The following EIF4G3 variants were observed in gnomAD, a reference collection of about 807,000 sequenced individuals.
EIF4G3 encodes eIF-4-gamma 3.
In EIF4G3, 34 loss-of-function variants were observed where a neutral mutation model predicts 186.4. The observed-to-expected ratio is 0.18, with a 90% CI of 0.14 to 0.24. EIF4G3 has a LOEUF of 0.24. EIF4G3 is among the 10% of genes least tolerant of loss of function. EIF4G3 has a pLI of 1.00. For synonymous variants in EIF4G3, 673 were observed against 679.5 expected (o/e 0.99, Z 0.15); for missense variants, 1,536 against 1,948.5 (o/e 0.79, Z 3.99).
chr1:20,999,712 C>T (rs1021105356), intron 6 of EIF4G3: 1 of 454,012 alleles, frequency 2.2e-6, no homozygotes, highest in East Asian at 7.0e-5. Context: ...CTATTTTGCA[C>T]TAGTCACCAT....
chr1:20,980,961 C>A (rs1338841194), intron 9 of EIF4G3, 87 bp downstream of exon 9: 6 of 1,122,200 alleles, frequency 5.3e-6, no homozygotes, highest in African/African-American at 4.7e-5. Flanking sequence ...ACTAATACCA[C>A]AATTCATCCA....
intron 14 of EIF4G3, among the ~76,000 whole-genome samples, chr1:20,916,467 A>G (rs2154559024): frequency 6.6e-6 from 1 of 152,136 alleles, no homozygotes; most frequent in Non-Finnish European, 1.5e-5. Flanking sequence ...ACAAAAACAA[A>G]AACAAAAAAC....
chr1:21,060,977 G>C (rs914639855), intron 3 of EIF4G3, among the ~76,000 whole-genome samples: 2 of 152,010 alleles, frequency 1.3e-5, no homozygotes, highest in Non-Finnish European at 2.9e-5. Flanking sequence ...TAGGTGCATG[G>C]AATACATCAG....
intron 4 of EIF4G3, among the ~76,000 whole-genome samples, chr1:21,026,901 C>A (rs1182436592): frequency 6.9e-6 from 1 of 144,006 alleles, no homozygotes; most frequent in African/African-American, 2.6e-5. Flanking sequence ...CGCACCACTG[C>A]ACTCCAGCCT....
chr1:21,117,736 T>TAAAAAAAAACAAAAAAAAAAAAAAAAAAA (rs2096850388), intron 2 of EIF4G3, among the ~76,000 whole-genome samples: 1 of 73,088 alleles, frequency 1.4e-5, no homozygotes. Context: ...CAGTATATAG[T>TAAAAAAAAACAAAAAAAAAAAAAAAAAAA]AAAAAAAAAA....
At position 20,911,717 on chromosome 1, in the gene EIF4G3, CTTAT is replaced by C. The variant is rs562430683; in HGVS notation, c.1664-6750_1664-6747del. The stretch of plus-strand genomic sequence containing the variant: ...ACTTAATATTGCTTCTCTTTACTAA[CTTAT>C]TTATTAATCAGGTAGTCATCCAAGT... On this transcript the variant is annotated intron_variant, in intron 14 of 36. Coordinates refer to ENST00000602326, the MANE Select transcript of EIF4G3 (RefSeq NM_001391906.1). 1.3e-3 allele frequency among the ~76,000 whole-genome samples: 190 copies of C among 151,904 alleles called. 1 individual carries two copies. The highest frequency in any genetic ancestry group is 4.4e-3 in the African/African-American group (182 of 41,458).
rs765024931 is a variant in EIF4G3 at position 20,941,674 on chromosome 1, T to C, written c.1480A>G (p.Thr494Ala). ...TPVIVPAAAT[T>A]VSSPSAAITV... ...ATGGCAGCACTCGGAGAACTAACAG[T>C]AGTGGCAGCAGCAGGAACAATGACT... Residue 494 changes from threonine to alanine, a missense_variant, in exon 14 of 37, where the codon ACT becomes GCT. By Grantham distance (58) the Thr-to-Ala change is moderately conservative. Transcript: ENST00000602326. 2.2e-5 allele frequency: 35 copies of C among 1,613,410 alleles called. No homozygotes were observed. In the Middle Eastern group the frequency reaches 6.6e-4, roughly 30 times the overall value.
At chr1:20,862,850 T>C (rs899207189) in intron 22 of EIF4G3, among the ~76,000 whole-genome samples, 1 of 152,186 alleles carries the variant, frequency 6.6e-6, no homozygotes, top group Admixed American at 6.5e-5. Flanking sequence ...TTATGCCTCA[T>C]TGCAGCCTCA....
At chr1:21,105,733 G>A (rs190062356) in intron 2 of EIF4G3, among the ~76,000 whole-genome samples, 14 of 152,198 alleles carry the variant, frequency 9.2e-5, no homozygotes, top group Non-Finnish European at 1.8e-4. Context: ...AGGCATCTGG[G>A]GTACAGGTTT....
rs199813241 is a variant in EIF4G3, at chr1:20,898,124, GT to G, written c.1999+1572del. ...GCAATTGAGTACACTGAGTCCTAGG[GT>G]TTTTTTAAAAAAAGTTTTATGATAG... is the stretch of plus-strand genomic sequence containing the variant. On this transcript the variant is annotated intron_variant, in intron 16 of 36. Transcript: ENST00000602326. Among the ~76,000 whole-genome samples the G allele has an allele frequency of 2.0e-4, 31 of 151,842 alleles. No individual in the cohort carries two copies. In the East Asian group the frequency reaches 5.6e-3, roughly 28 times the overall value.
intron 18 of EIF4G3, chr1:20,892,682 G>T: frequency 6.5e-7 from 1 of 1,536,104 alleles, no homozygotes; most frequent in Non-Finnish European, 8.7e-7. Context: ...TTGGGGCTTT[G>T]CTCTGTTCCA....
In EIF4G3 at chr1:21,017,521, G is replaced by A. The variant is rs549748864; in HGVS notation, c.-66-14713C>T. On this transcript the variant is annotated intron_variant, in intron 4 of 36. Coordinates refer to ENST00000602326, the MANE Select transcript of EIF4G3 (RefSeq NM_001391906.1). ...CGGGCACCTGTAGTTCCAGCTACTC[G>A]GGAGGCTGAGGCAGGAGAATGGCGT... Among the ~76,000 whole-genome samples, 51 of 151,510 alleles carry A rather than the reference G, an allele frequency of 3.4e-4. 1 individual carries two copies. In the South Asian group the frequency reaches 0.01, roughly 30 times the overall value.
In EIF4G3 at chr1:20,841,125, T is replaced by C. The variant is rs1005604692; in HGVS notation, c.3889-97A>G. On this transcript the variant is annotated intron_variant, in intron 29 of 36. Coordinates refer to ENST00000602326, the MANE Select transcript of EIF4G3 (RefSeq NM_001391906.1). The stretch of plus-strand genomic sequence containing the variant: ...AATCTTTTACTTACAACAGAATCAG[T>C]AGAAACTTCCATGAACAGGACAGTT... 12 of 1,252,610 alleles carry C rather than the reference T, an allele frequency of 9.6e-6. No individual in the cohort carries two copies. In the East Asian group the frequency reaches 9.7e-5, roughly 10 times the overall value. 77.6% of individuals were successfully genotyped at this position (1,252,610 alleles called of 1,614,324 possible).
At chr1:20,966,441 A>C (rs1304888409) in intron 12 of EIF4G3, among the ~76,000 whole-genome samples, 1 of 151,882 alleles carries the variant, frequency 6.6e-6, no homozygotes, top group Non-Finnish European at 1.5e-5. Flanking sequence ...ACATAACTAA[A>C]CATTTCTAGC....
At chr1:21,077,511 T>A (rs1572163576) in intron 3 of EIF4G3, among the ~76,000 whole-genome samples, 1 of 149,962 alleles carries the variant, frequency 6.7e-6, no homozygotes, top group Non-Finnish European at 1.5e-5. Context: ...TCACTGATCA[T>A]CAGGGAAACA....
rs367605365 is a variant in EIF4G3, at chr1:20,944,280, T to G, written c.824-1950A>C. ...CTGTAATCCTAGCACTTTAGGAGGC[T>G]GAGACGGGAGGATCTCTTGAGCCTA... On this transcript the variant is annotated intron_variant, in intron 13 of 36. Transcript: ENST00000602326. Among the ~76,000 whole-genome samples the G allele has an allele frequency of 1.6e-4, 24 of 152,038 alleles. No individual in the cohort carries two copies. The East Asian group carries it at 3.9e-3, about 25-fold the overall frequency.
intron 3 of EIF4G3, among the ~76,000 whole-genome samples, chr1:21,072,860 G>A (rs1378323368): frequency 6.6e-6 from 1 of 152,190 alleles, no homozygotes; most frequent in East Asian, 1.9e-4. Flanking sequence ...ACTGATGGTG[G>A]CAGCAGCTGC....
intron 12 of EIF4G3, among the ~76,000 whole-genome samples, chr1:20,952,356 A>C (rs991438463): frequency 1.3e-5 from 2 of 152,016 alleles, no homozygotes; most frequent in Non-Finnish European, 2.9e-5. Context: ...GGGTTTCACC[A>C]TGTTAGCCAG....
At chr1:20,814,782 C>CCCCTCTCCCTCT (rs1557738784) in intron 34 of EIF4G3, among the ~76,000 whole-genome samples, 20 of 66,528 alleles carry the variant, frequency 3.0e-4, no homozygotes, top group East Asian at 1.2e-3. Context: ...CCTCCCCCTC[C>CCCCTCTCCCTCT]CCCTCTCCCT....
Sources: gnomAD v4.1 joint callset for allele counts (sites outside exome capture counted in the v4.1 genomes callset) on GRCh38, gnomAD v4.1.1 for gene constraint, MANE v1.5 for transcripts, NCBI Gene and HGNC (gene_info 2026-07-23, HGNC 2026-07-21) for gene names.